PRKCH: variants seen among roughly 807,000 people sequenced by gnomAD.
The protein encoded by PRKCH is protein kinase C eta.
A neutral mutation model predicts 82.5 loss-of-function variants in PRKCH; 28 were observed. The ratio of observed to expected loss-of-function variants is 0.34; its 90% CI spans 0.25 to 0.47. The LOEUF (loss-of-function observed/expected upper bound fraction) is 0.47. Among genes scored for constraint, PRKCH ranks in the 20% least tolerant of loss-of-function variants. PRKCH has a pLI of 1.00. For synonymous variants in PRKCH, 322 were observed against 327.4 expected (o/e 0.98, Z 0.18); for missense variants, 705 against 881.8 (o/e 0.80, Z 2.54).
At chr14:61,364,036 A>AATAT (rs557122984) in intron 1 of PRKCH, among the ~76,000 whole-genome samples, 3 of 145,410 alleles carry the variant, frequency 2.1e-5, no homozygotes, top group Admixed American at 6.9e-5. Flanking sequence ...GTATATATAT[A>AATAT]ATATATATAT....
intron 1 of PRKCH, among the ~76,000 whole-genome samples, chr14:61,282,514 A>G (rs1285162926): frequency 6.6e-6 from 1 of 152,194 alleles, no homozygotes; most frequent in Non-Finnish European, 1.5e-5. Context: ...TAAATTTAAC[A>G]GAGGAATGTT....
chr14:61,207,837 G>C (rs2044539442), intron 1 of PRKCH, among the ~76,000 whole-genome samples: 1 of 152,182 alleles, frequency 6.6e-6, no homozygotes, highest in Admixed American at 6.5e-5. Flanking sequence ...CAAATTCAGT[G>C]GTGACAGACT....
chr14:61,241,151 A>G (rs2140066245), intron 1 of PRKCH, among the ~76,000 whole-genome samples: 1 of 152,292 alleles, frequency 6.6e-6, no homozygotes, highest in African/African-American at 2.4e-5. Context: ...GGAAATACTT[A>G]CTTACATTTA....
chr14:61,529,170 C>T lies in PRKCH; in HGVS notation c.1529C>T (p.Thr510Ile). ...AAGGAGGGGATTTGCAATGGTGTCA[C>T]CACGGCCACATTCTGTGGCACGCCA... ...MCKEGICNGV[T>I]TATFCGTPDY... Residue 510 changes from threonine (T) to isoleucine (I), a missense_variant, in exon 11 of 14, where the codon ACC (threonine) becomes ATC (isoleucine). Physicochemically the swap from Thr to Ile is moderately conservative, Grantham distance 89. Transcript: ENST00000332981. 6.2e-7 allele frequency: 1 copy of T among 1,613,936 alleles called. No individual in the cohort carries two copies. The highest frequency in any genetic ancestry group is 1.3e-5 in the African/African-American group (1 of 75,026).
intron 9 of PRKCH, among the ~76,000 whole-genome samples, chr14:61,466,075 A>C (rs1173999806): frequency 6.6e-6 from 1 of 152,210 alleles, no homozygotes; most frequent in Non-Finnish European, 1.5e-5. Flanking sequence ...GGTTCTGCCC[A>C]AGATAGTGAA....
chr14:61,301,833 C>A (rs951057504), intron 1 of PRKCH, among the ~76,000 whole-genome samples: 1 of 152,106 alleles, frequency 6.6e-6, no homozygotes, highest in Non-Finnish European at 1.5e-5. Context: ...AGAATGAGAT[C>A]CTGTCTGAAA....
At chr14:61,437,328 C>T (rs1298634289) in intron 2 of PRKCH, among the ~76,000 whole-genome samples, 1 of 152,124 alleles carries the variant, frequency 6.6e-6, no homozygotes, top group Non-Finnish European at 1.5e-5. Flanking sequence ...TACCTCATTA[C>T]CTTCCCGGGA....
intron 1 of PRKCH, among the ~76,000 whole-genome samples, chr14:61,242,865 G>T (rs2044850978): frequency 6.6e-6 from 1 of 152,046 alleles, no homozygotes; most frequent in Non-Finnish European, 1.5e-5. Context: ...AACACGTATT[G>T]TCTAAATAAT....
Position 61,328,141 on chromosome 14 carries a change from T to C in PRKCH, c.363+5677T>C, listed in dbSNP as rs1003497881. Among the ~76,000 whole-genome samples, 21 of 150,878 alleles carry C rather than the reference T, an allele frequency of 1.4e-4. 1 individual carries two copies. In the East Asian group the frequency reaches 4.1e-3, roughly 30 times the overall value. On this transcript the variant is annotated intron_variant, in intron 1 of 13. Transcript: ENST00000332981. ...GGCGGGCGCCTGTAGTCCCAGCTAC[T>C]CGGGAGGCTGAGGCAGGAGAATGGC...
intron 1 of PRKCH, among the ~76,000 whole-genome samples, chr14:61,294,355 C>T (rs746106892): frequency 3.9e-4 from 59 of 152,124 alleles, no homozygotes; most frequent in Non-Finnish European, 6.2e-4. Flanking sequence ...CTCCTGACCT[C>T]GTGATCTGCC....
intron 10 of PRKCH, among the ~76,000 whole-genome samples, chr14:61,490,936 A>C (rs1266175195): frequency 1.3e-5 from 2 of 150,944 alleles, no homozygotes; most frequent in East Asian, 1.9e-4. Context: ...AAAAACAAAC[A>C]AAAAAAAATG....
Position 61,520,285 on chromosome 14 carries a change from T to A in PRKCH, c.1434-8790T>A, listed in dbSNP as rs993266288. Reference sequence around the variant, plus strand: ...TTTTTCCTCCTGTCTTTCCTCCTTTTTCCTCCTGTCTTTCCTCCTTTTCTT... The same window carrying A: ...TTTTTCCTCCTGTCTTTCCTCCTTTATCCTCCTGTCTTTCCTCCTTTTCTT... On this transcript the variant is annotated intron_variant, in intron 10 of 13. Coordinates refer to ENST00000332981, the MANE Select transcript of PRKCH (RefSeq NM_006255.5). 5.3e-5 allele frequency among the ~76,000 whole-genome samples: 8 copies of A among 152,188 alleles called. No individual in the cohort carries two copies. In the East Asian group the frequency reaches 1.5e-3, roughly 29 times the overall value.
At chr14:61,244,708 T>C (rs2044865849) in intron 1 of PRKCH, among the ~76,000 whole-genome samples, 1 of 152,210 alleles carries the variant, frequency 6.6e-6, no homozygotes, top group African/African-American at 2.4e-5. Context: ...GTCAACCTTT[T>C]CCTGTAATGA....
At chr14:61,310,572 C>T (rs2045515148) in intron 1 of PRKCH, among the ~76,000 whole-genome samples, 1 of 152,330 alleles carries the variant, frequency 6.6e-6, no homozygotes, top group African/African-American at 2.4e-5. Context: ...CAGCTCCCTT[C>T]CTGGCTGCTT....
chr14:61,194,726 A>G (rs776997652), intron 1 of PRKCH, among the ~76,000 whole-genome samples: 1 of 152,136 alleles, frequency 6.6e-6, no homozygotes, highest in Admixed American at 6.6e-5. Context: ...CATCGTCATT[A>G]TCATTTTATT....
intron 1 of PRKCH, chr14:61,278,784 G>T (rs2140090601): frequency 6.6e-6 from 1 of 152,192 alleles, no homozygotes; most frequent in African/African-American, 2.4e-5. Flanking sequence ...TCAATGGAAT[G>T]ATTTTAGTTG....
chr14:61,462,207 C>T (rs1053348199), intron 9 of PRKCH, among the ~76,000 whole-genome samples: 1 of 152,176 alleles, frequency 6.6e-6, no homozygotes, highest in Non-Finnish European at 1.5e-5. Flanking sequence ...GCCTGGCCAA[C>T]GTGGTGAAAC....
intron 1 of PRKCH, among the ~76,000 whole-genome samples, chr14:61,230,352 G>A (rs537466876): frequency 6.6e-6 from 1 of 152,254 alleles, no homozygotes; most frequent in Non-Finnish European, 1.5e-5. Context: ...TTCCTCAGGA[G>A]GGAGAATAAA....
At chr14:61,455,035 T>C (rs1039868278) in intron 7 of PRKCH, among the ~76,000 whole-genome samples, 2 of 151,490 alleles carry the variant, frequency 1.3e-5, no homozygotes, top group Non-Finnish European at 2.9e-5. Flanking sequence ...ATTGACAATT[T>C]TTTTTTTTTT....
Sources: allele counts gnomAD v4.1 joint callset (sites outside exome capture counted in the v4.1 genomes callset), GRCh38; gene constraint gnomAD v4.1.1; transcripts MANE v1.5; gene names NCBI Gene and HGNC (gene_info 2026-07-23, HGNC 2026-07-21).